Variants in NOTCH4 observed in about 807,000 individuals in gnomAD.
The protein encoded by NOTCH4 is notch receptor 4, also known as neurogenic locus notch homolog protein 4.
In NOTCH4, 138 loss-of-function variants were observed where a neutral mutation model predicts 189.0. That is an observed-to-expected ratio of 0.73 (90% CI 0.64 to 0.84). NOTCH4 has a LOEUF of 0.84. Among genes scored for constraint, NOTCH4 ranks in the 40% least tolerant of loss-of-function variants. NOTCH4 has a pLI of 0.00. For missense variants in NOTCH4, 2,286 were observed against 2,605.4 expected (o/e 0.88, Z 2.67); for synonymous variants, 942 against 1,032.8 (o/e 0.91, Z 1.69).
chr6:32,198,126 G>C lies in NOTCH4; in HGVS notation c.4756+295C>G, dbSNP rs978020504. On this transcript the variant is annotated intron_variant, in intron 26 of 29. Coordinates refer to ENST00000375023, the MANE Select transcript of NOTCH4 (RefSeq NM_004557.4). This position sits in a 1 kb window ranked among gnomAD's most constrained non-coding sequence, Gnocchi z 5.5. Reference sequence around the variant, plus strand: ...GTGAGCCACCACGCCCGGCCTAGCAGTGGTTTTCTCAAACGAGTCTGGATC... The same window carrying C: ...GTGAGCCACCACGCCCGGCCTAGCACTGGTTTTCTCAAACGAGTCTGGATC... Among the ~76,000 whole-genome samples, 2 of 152,170 alleles carry C rather than the reference G, an allele frequency of 1.3e-5. No homozygotes were observed. Among genetic ancestry groups the C allele is most frequent in the Non-Finnish European group, 2.9e-5 (2 of 68,022 alleles).
intron 13 of NOTCH4, 76 bp downstream of exon 13, chr6:32,214,034 G>A (rs1789207493): frequency 6.6e-7 from 1 of 1,516,632 alleles, no homozygotes. Flanking sequence ...GAGACTCAGG[G>A]CCCGTGGTCG....
intron 18 of NOTCH4, among the ~76,000 whole-genome samples, chr6:32,209,754 G>A (rs774390974): frequency 2.6e-5 from 4 of 151,908 alleles, no homozygotes; most frequent in Non-Finnish European, 4.4e-5. Context: ...GTGGTGGCGC[G>A]TTCCTGTAAT....
chr6:32,219,070 C>T (rs1047255064), intron 8 of NOTCH4, among the ~76,000 whole-genome samples: 1 of 152,148 alleles, frequency 6.6e-6, no homozygotes, highest in Non-Finnish European at 1.5e-5. Flanking sequence ...TTGCTGTCTC[C>T]CTGGGGCGAC....
Position 32,202,177 on chromosome 6 carries a change from A to C in NOTCH4, c.3654T>G (p.Ser1218=), listed in dbSNP as rs1263309388. 3 of 1,524,922 alleles carry C rather than the reference A, an allele frequency of 2.0e-6. No individual in the cohort carries two copies. Among genetic ancestry groups the C allele is most frequent in the African/African-American group, 1.4e-5 (1 of 71,750 alleles). 94.5% of individuals were successfully genotyped at this position (1,524,922 alleles called of 1,614,324 possible). The change falls in exon 21 of 30, where the codon TCT becomes TCG. Residue 1218 remains serine (S), a synonymous_variant. Coordinates refer to ENST00000375023, the MANE Select transcript of NOTCH4 (RefSeq NM_004557.4). This position sits in a 1 kb window ranked among gnomAD's most constrained non-coding sequence, Gnocchi z 5.7. Reference sequence around the variant, plus strand: ...CGTCCCGGAAGAGAAGCCAGCACCGAGAGTGGGAGGGGCAGCCCTTCCAGG... The same window carrying C: ...CGTCCCGGAAGAGAAGCCAGCACCGCGAGTGGGAGGGGCAGCCCTTCCAGG... ...PDPWKGCPSH[S]RCWLLFRDGQ... is the part of the protein sequence containing the mutation.
rs756077774 is a variant in NOTCH4, at chr6:32,213,123, G to C, written c.2438+12C>G. On this transcript the variant is annotated intron_variant, in intron 15 of 29. Coordinates refer to ENST00000375023, the MANE Select transcript of NOTCH4 (RefSeq NM_004557.4). ...GTTTTCTCCCTTCTAGGGGTCTTTG[G>C]GCCCTGCTCACCTGTCTGCACAGCT... is the stretch of plus-strand genomic sequence containing the variant. The C allele has an allele frequency of 6.3e-7, 1 of 1,599,066 alleles. No homozygotes were observed. Among genetic ancestry groups the C allele is most frequent in the Admixed American group, 1.7e-5 (1 of 59,892 alleles).
intron 1 of NOTCH4, 74 bp downstream of exon 1, chr6:32,223,782 C>T: frequency 6.8e-7 from 1 of 1,464,154 alleles, no homozygotes; most frequent in Non-Finnish European, 9.4e-7. Flanking sequence ...TGGGGCTTGG[C>T]CCTCTTCCCC....
rs373173038 is a variant in NOTCH4, at chr6:32,196,410, G to A, written c.5212C>T (p.Leu1738=). ...TTGTTCACGGCAGCAGCCCAGTGCA[G>A]CGCAGTTTTCCCTAGGGGACGACGT... ...GARDKWGKTA[L]HWAAAVNNAR... Residue 1738 remains leucine (L), a synonymous_variant, in exon 29 of 30, where the codon CTG becomes TTG. Transcript: ENST00000375023. The A allele has an allele frequency of 2.6e-4, 413 of 1,613,034 alleles. No homozygotes were observed. Among genetic ancestry groups the A allele is most frequent in the Middle Eastern group, 5.0e-4 (3 of 6,058 alleles).
chr6:32,219,564 C>T (rs372280325), intron 8 of NOTCH4, 28 bp downstream of exon 8: 35 of 1,603,048 alleles, frequency 2.2e-5, no homozygotes, highest in Non-Finnish European at 2.7e-5. Context: ...CCCTGTTTTC[C>T]CCACCCAAGG....
rs1789054201 is a variant in NOTCH4, at chr6:32,212,052, CCTTA to C, written c.2680+418_2680+421del. Among the ~76,000 whole-genome samples the C allele has an allele frequency of 6.6e-6, 1 of 152,168 alleles. No individual in the cohort carries two copies. The highest frequency in any genetic ancestry group is 6.5e-5 in the Admixed American group (1 of 15,274). ...TTTCCCGAGCTCTTCTCATATCAAA[CCTTA>C]TTTTAGTGTTCTTTTACAAAGAGGG... On this transcript the variant is annotated intron_variant, in intron 17 of 29. Coordinates refer to ENST00000375023, the MANE Select transcript of NOTCH4 (RefSeq NM_004557.4). This position sits in a 1 kb window ranked among gnomAD's most constrained non-coding sequence, Gnocchi z 4.4.
Position 32,197,283 on chromosome 6 carries a change from C to G in NOTCH4, c.5052+16G>C. On this transcript the variant is annotated intron_variant, in intron 27 of 29. Coordinates refer to ENST00000375023, the MANE Select transcript of NOTCH4 (RefSeq NM_004557.4). ...AGCTCGCCCCATTCCCTGTAGGGACCTCAGTGTGTGCTAACCTGGCAGACC... is the reference window on the plus strand; with the variant it reads ...AGCTCGCCCCATTCCCTGTAGGGACGTCAGTGTGTGCTAACCTGGCAGACC... 6.6e-7 allele frequency: 1 copy of G among 1,519,954 alleles called. No individual in the cohort carries two copies. The highest frequency in any genetic ancestry group is 8.8e-7 in the Non-Finnish European group (1 of 1,138,952). 94.2% of individuals were successfully genotyped at this position (1,519,954 alleles called of 1,614,324 possible).
At chr6:32,211,677 G>A (rs1017466986) in intron 17 of NOTCH4, among the ~76,000 whole-genome samples, 2 of 151,930 alleles carry the variant, frequency 1.3e-5, no homozygotes, top group Admixed American at 1.3e-4. Flanking sequence ...TGTATTCAGG[G>A]CCCAATCTCT....
Position 32,201,516 on chromosome 6 carries a change from AG to A in NOTCH4, c.3756-17del. 5 of 1,460,124 alleles carry A rather than the reference AG, an allele frequency of 3.4e-6. No individual in the cohort carries two copies. Among genetic ancestry groups the A allele is most frequent in the Non-Finnish European group, 1.8e-6 (2 of 1,105,828 alleles). 90.4% of individuals were successfully genotyped at this position (1,460,124 alleles called of 1,614,324 possible). ...ATAGGCTGGACTGTGGGGTAAGGAG[AG>A]GGGGACTCAGGACCTCCCTAAAACC... On this transcript the variant is annotated splice_polypyrimidine_tract_variant and intron_variant, in intron 21 of 29. Coordinates refer to ENST00000375023, the MANE Select transcript of NOTCH4 (RefSeq NM_004557.4). The surrounding 1 kb of genome is among the most constrained non-coding windows in gnomAD (Gnocchi z 5.5).
At position 32,197,286 on chromosome 6, in the gene NOTCH4, A is replaced by AGT; in HGVS notation, c.5052+11_5052+12dup. The AGT allele has an allele frequency of 9.2e-6, 14 of 1,520,244 alleles. No homozygotes were observed. The highest frequency in any genetic ancestry group is 1.2e-5 in the Non-Finnish European group (14 of 1,138,960). 94.2% of individuals were successfully genotyped at this position (1,520,244 alleles called of 1,614,324 possible). On this transcript the variant is annotated intron_variant, in intron 27 of 29. Transcript: ENST00000375023. ...TCGCCCCATTCCCTGTAGGGACCTC[A>AGT]GTGTGTGCTAACCTGGCAGACCTCC...
rs747843106 is a variant in NOTCH4, at chr6:32,220,947, G to A, written c.799+31C>T. ...GACATCCTGCCCTGCCCAGAGAGAG[G>A]GGCGGCCGGAGAGCCCCTGTGAGGA... On this transcript the variant is annotated intron_variant, in intron 4 of 29. Coordinates refer to ENST00000375023, the MANE Select transcript of NOTCH4 (RefSeq NM_004557.4). The A allele has an allele frequency of 1.9e-6, 3 of 1,593,136 alleles. No individual in the cohort carries two copies. In the African/African-American group the frequency reaches 4.0e-5, roughly 21 times the overall value.
Position 32,221,446 on chromosome 6 carries a change from T to C in NOTCH4, c.452-121A>G. ...CATTTTCATATTTCCTTCCCTTTAT[T>C]ACCATACTTTCTTTGCTCTGTTCCA... On this transcript the variant is annotated intron_variant, in intron 3 of 29. Transcript: ENST00000375023. The surrounding 1 kb of genome is among the most constrained non-coding windows in gnomAD (Gnocchi z 4.3). 1.4e-6 allele frequency: 1 copy of C among 710,980 alleles called. No individual in the cohort carries two copies. The highest frequency in any genetic ancestry group is 2.3e-6 in the Non-Finnish European group (1 of 430,342). The allele number at this position is 710,980 out of a possible 1,614,324, so 44.0% of individuals were successfully genotyped here.
chr6:32,212,632 G>C lies in NOTCH4; in HGVS notation c.2527-5C>G, dbSNP rs777448068. ...GGCACATAAGTCCATCAGAGTCTGA[G>C]GGGTGGGAGGGAGCGTGAGGCAGGA... is the stretch of plus-strand genomic sequence containing the variant. On this transcript the variant is annotated splice_polypyrimidine_tract_variant and splice_region_variant and intron_variant, in intron 16 of 29. Coordinates refer to ENST00000375023, the MANE Select transcript of NOTCH4 (RefSeq NM_004557.4). The surrounding 1 kb of genome is among the most constrained non-coding windows in gnomAD (Gnocchi z 4.4). 1 of 1,608,488 alleles carries C rather than the reference G, an allele frequency of 6.2e-7. No individual in the cohort carries two copies. The highest frequency in any genetic ancestry group is 8.5e-7 in the Non-Finnish European group (1 of 1,177,496).
chr6:32,200,262 G>T lies in NOTCH4; in HGVS notation c.4315+569C>A, dbSNP rs1788254708. Among the ~76,000 whole-genome samples the T allele has an allele frequency of 6.6e-6, 1 of 151,256 alleles. No individual in the cohort carries two copies. Among genetic ancestry groups the T allele is most frequent in the African/African-American group, 2.4e-5 (1 of 41,096 alleles). On this transcript the variant is annotated intron_variant, in intron 23 of 29. Coordinates refer to ENST00000375023, the MANE Select transcript of NOTCH4 (RefSeq NM_004557.4). This position sits in a 1 kb window ranked among gnomAD's most constrained non-coding sequence, Gnocchi z 5.0. ...GTCTCCCTCTGTCGCCCAGGCTGGA[G>T]TGCAGTGGCGCGATCTCGGCTCACT...
At position 32,200,830 on chromosome 6, in the gene NOTCH4, C is replaced by T; in HGVS notation, c.4315+1G>A. 1 of 1,598,692 alleles carries T rather than the reference C, an allele frequency of 6.3e-7. No individual in the cohort carries two copies. Among genetic ancestry groups the T allele is most frequent in the Non-Finnish European group, 8.5e-7 (1 of 1,173,244 alleles). On this transcript the variant is annotated splice_donor_variant, in intron 23 of 29. Coordinates refer to ENST00000375023, the MANE Select transcript of NOTCH4 (RefSeq NM_004557.4). LOFTEE classifies it high-confidence loss of function. This position sits in a 1 kb window ranked among gnomAD's most constrained non-coding sequence, Gnocchi z 5.0. Reference sequence around the variant, plus strand: ...AGAGAAAGTGGCAAGGGGTCACCTACCGGTCCCTGCATGAGGGTGGACAGC... The same window carrying T: ...AGAGAAAGTGGCAAGGGGTCACCTATCGGTCCCTGCATGAGGGTGGACAGC...
chr6:32,207,953 A>T (rs2127473095), intron 18 of NOTCH4, among the ~76,000 whole-genome samples: 1 of 151,096 alleles, frequency 6.6e-6, no homozygotes, highest in African/African-American at 2.4e-5. Context: ...GCAGTGAGTC[A>T]AATTTGCGCC....
Sources: gnomAD v4.1 joint callset for allele counts (sites outside exome capture counted in the v4.1 genomes callset) on GRCh38, gnomAD v4.1.1 for gene constraint, Gnocchi (gnomAD v3.1) non-coding constraint, MANE v1.5 for transcripts, NCBI Gene and HGNC (gene_info 2026-07-23, HGNC 2026-07-21) for gene names.